Variants in CD1C observed in about 807,000 individuals in gnomAD.
The protein encoded by CD1C is T-cell surface glycoprotein CD1c.
A neutral mutation model predicts 39.4 loss-of-function variants in CD1C; 47 were observed. The observed-to-expected ratio is 1.19, with a 90% CI of 0.94 to 1.52. The LOEUF is 1.52. Ranked by LOEUF, CD1C falls within the 40% of genes most tolerant of loss-of-function variation. CD1C has a pLI of 0.00. For missense variants in CD1C, 417 were observed against 395.2 expected (o/e 1.06, Z -0.47); for synonymous variants, 165 against 150.8 (o/e 1.09, Z -0.69).
In CD1C at chr1:158,290,052, A is replaced by T; in HGVS notation, c.-13A>T. ...AACAGCTTTTCTGAGAGAAAGAAAC[A>T]TCTGCAAATGACATGCTGTTTCTGC... is the stretch of plus-strand genomic sequence containing the variant. On this transcript the variant is annotated 5_prime_UTR_variant, in exon 1 of 6. Coordinates refer to ENST00000368170, the MANE Select transcript of CD1C (RefSeq NM_001765.3). 1 of 1,613,582 alleles carries T rather than the reference A, an allele frequency of 6.2e-7. No individual in the cohort carries two copies. The highest frequency in any genetic ancestry group is 8.5e-7 in the Non-Finnish European group (1 of 1,179,540).
At chr1:158,290,253 T>C in intron 1 of CD1C, 128 bp downstream of exon 1, 1 of 776,872 alleles carries the variant, frequency 1.3e-6, no homozygotes, top group Non-Finnish European at 2.1e-6. Flanking sequence ...AGGTCCAGTT[T>C]ACTCTTTTGG....
At position 158,292,081 on chromosome 1, in the gene CD1C, C is replaced by T. The variant is rs1364248439; in HGVS notation, c.329-3C>T. The T allele has an allele frequency of 1.2e-6, 2 of 1,610,770 alleles. No homozygotes were observed. Among genetic ancestry groups the T allele is most frequent in the Non-Finnish European group, 1.7e-6 (2 of 1,178,902 alleles). ...TCTTTTTCTCATTCCTCCCTTCCTC[C>T]AGATCCCTTTGAAGTACAGGTGAAA... is the stretch of plus-strand genomic sequence containing the variant. On this transcript the variant is annotated splice_polypyrimidine_tract_variant and splice_region_variant and intron_variant, in intron 2 of 5. Coordinates refer to ENST00000368170, the MANE Select transcript of CD1C (RefSeq NM_001765.3).
intron 1 of CD1C, among the ~76,000 whole-genome samples, chr1:158,290,525 A>G (rs1463698492): frequency 6.6e-6 from 1 of 152,164 alleles, no homozygotes; most frequent in African/African-American, 2.4e-5. Flanking sequence ...GATGGAGCTT[A>G]GTGGGAGAGC....
rs752563128 is a variant in CD1C, at chr1:158,293,557, C to T, written c.*81C>T. 8 of 1,613,628 alleles carry T rather than the reference C, an allele frequency of 5.0e-6. No individual in the cohort carries two copies. The East Asian group carries it at 6.7e-5, about 13-fold the overall frequency. On this transcript the variant is annotated 3_prime_UTR_variant, in exon 6 of 6. Transcript: ENST00000368170. ...GTACAATATAGTGATGCCATCCCGT[C>T]GACTCTCCATTTAAATTGTTTCTCT...
At chr1:158,291,081 T>G (rs1028138673) in intron 1 of CD1C, 53 bp from the exon 2 acceptor site, 13 of 1,543,748 alleles carry the variant, frequency 8.4e-6, no homozygotes, top group Non-Finnish European at 1.1e-5. Flanking sequence ...CCATTTTCCT[T>G]GCCTCTCTTT....
rs1557801446 is a variant in CD1C at position 158,292,212 on chromosome 1, C to A, written c.457C>A (p.Pro153Thr). The change falls in exon 3 of 6, where the codon CCA (proline) becomes ACA (threonine). Residue 153 changes from proline (P) to threonine (T), a missense_variant. Coordinates refer to ENST00000368170, the MANE Select transcript of CD1C (RefSeq NM_001765.3). ...SFQNTTWVPSPGCGSLAQSVC... is the reference protein window; with the variant it reads ...SFQNTTWVPSTGCGSLAQSVC... ...CCAGAATACAACATGGGTGCCATCT[C>A]CAGGCTGTGGAAGTTTGGCCCAAAG... 1.4e-5 allele frequency: 23 copies of A among 1,614,154 alleles called. No homozygotes were observed. Among genetic ancestry groups the A allele is most frequent in the Non-Finnish European group, 1.8e-5 (21 of 1,180,028 alleles).
rs537019178 is a variant in CD1C, at chr1:158,289,989, G to A, written c.-76G>A. On this transcript the variant is annotated 5_prime_UTR_variant, in exon 1 of 6. Coordinates refer to ENST00000368170, the MANE Select transcript of CD1C (RefSeq NM_001765.3). ...TTGGTAGAAGGAAGTCAGAATATAG[G>A]TACAGAGGGATAAGTTTGCTAAGAA... The A allele has an allele frequency of 4.5e-6, 6 of 1,348,074 alleles. No homozygotes were observed. Among genetic ancestry groups the A allele is most frequent in the African/African-American group, 4.3e-5 (3 of 69,940 alleles). 83.5% of individuals were successfully genotyped at this position (1,348,074 alleles called of 1,614,324 possible).
rs1322669627 is a variant in CD1C at position 158,291,174 on chromosome 1, C to T, written c.102C>T (p.Phe34=). Residue 34 remains phenylalanine, a synonymous_variant, in exon 2 of 6, where the codon TTC becomes TTT. Transcript: ENST00000368170. The part of the protein sequence containing the change: ...EHVSFHVIQI[F]SFVNQSWARG... ...TCTCCTTCCATGTCATCCAGATCTTCTCATTTGTCAACCAATCCTGGGCAC... is the reference window on the plus strand; with the variant it reads ...TCTCCTTCCATGTCATCCAGATCTTTTCATTTGTCAACCAATCCTGGGCAC... 4.3e-6 allele frequency: 7 copies of T among 1,613,160 alleles called. No individual in the cohort carries two copies. Among genetic ancestry groups the T allele is most frequent in the East Asian group, 2.2e-5 (1 of 44,864 alleles).
chr1:158,290,420 T>C (rs1650993006), intron 1 of CD1C, among the ~76,000 whole-genome samples: 1 of 152,214 alleles, frequency 6.6e-6, no homozygotes, highest in South Asian at 2.1e-4. Context: ...CTCCTTTTTA[T>C]GTTACAAATG....
At chr1:158,290,864 T>C (rs1368683133) in intron 1 of CD1C, among the ~76,000 whole-genome samples, 1 of 152,148 alleles carries the variant, frequency 6.6e-6, no homozygotes, top group African/African-American at 2.4e-5. Flanking sequence ...CAAGGTTACA[T>C]GTATCTGGGT....
At position 158,293,296 on chromosome 1, in the gene CD1C, A is replaced by G; in HGVS notation, c.974A>G (p.Lys325Arg). ...ILIVLVLWFK[K>R]HCSYQDIL ...ATAGTCCTTGTGTTATGGTTTAAGA[A>G]GCACTGGTGAGTTTTTTGTATTTCC... Residue 325 changes from lysine to arginine, a missense_variant, in exon 5 of 6, where the codon AAG (lysine) becomes AGG (arginine). By Grantham distance (26) the Lys-to-Arg change is conservative. Coordinates refer to ENST00000368170, the MANE Select transcript of CD1C (RefSeq NM_001765.3). 1 of 1,613,332 alleles carries G rather than the reference A, an allele frequency of 6.2e-7. No homozygotes were observed. Among genetic ancestry groups the G allele is most frequent in the Non-Finnish European group, 8.5e-7 (1 of 1,179,454 alleles).
rs3176970 is a variant in CD1C at position 158,292,787 on chromosome 1, C to T, written c.802C>T (p.Leu268=). The part of the protein sequence containing the change: ...ADGTWYLQVI[L]EVASEEPAGL... ...TGGGACATGGTATCTTCAGGTGATC[C>T]TGGAGGTGGCATCTGAGGAGCCTGC... is the stretch of plus-strand genomic sequence containing the variant. The change falls in exon 4 of 6, where the codon CTG becomes TTG. Residue 268 remains leucine, a synonymous_variant. Coordinates refer to ENST00000368170, the MANE Select transcript of CD1C (RefSeq NM_001765.3). 3 of 1,614,158 alleles carry T rather than the reference C, an allele frequency of 1.9e-6. No individual in the cohort carries two copies. Among genetic ancestry groups the T allele is most frequent in the South Asian group, 2.2e-5 (2 of 91,084 alleles).
Position 158,290,069 on chromosome 1 carries a change from T to TGTTTCTGCA in CD1C, c.14_22dup (p.Gln5_Leu7dup). On this transcript the variant is annotated inframe_insertion, in exon 1 of 6. Transcript: ENST00000368170. ...AAAGAAACATCTGCAAATGACATGC[T>TGTTTCTGCA]GTTTCTGCAGTTTCTGCTGCTAGCT... 6.2e-7 allele frequency: 1 copy of TGTTTCTGCA among 1,613,922 alleles called. No homozygotes were observed. Among genetic ancestry groups the TGTTTCTGCA allele is most frequent in the Middle Eastern group, 1.7e-4 (1 of 6,058 alleles).
Position 158,292,630 on chromosome 1 carries a change from C to G in CD1C, c.645C>G (p.Ser215Arg). ...AAGCCTGGCTGTCCAGTCGCCCCAG[C>G]CTTGGGTCTGGCCAGCTGTTGCTGG... Reference protein sequence around the residue: ...RPEAWLSSRPSLGSGQLLLVC... With the variant: ...RPEAWLSSRPRLGSGQLLLVC... Residue 215 changes from serine (S) to arginine (R), a missense_variant, in exon 4 of 6, where the codon AGC (serine) becomes AGG (arginine). Physicochemically the swap from Ser to Arg is moderately radical, Grantham distance 110 (BLOSUM62 -1). Transcript: ENST00000368170. 4 of 1,613,212 alleles carry G rather than the reference C, an allele frequency of 2.5e-6. No individual in the cohort carries two copies. The highest frequency in any genetic ancestry group is 3.4e-6 in the Non-Finnish European group (4 of 1,180,034).
Position 158,292,763 on chromosome 1 carries a change from G to A in CD1C, c.778G>A (p.Gly260Arg). ...KHGDILPNAD[G>R]TWYLQVILEV... ...TGGTGATATTCTTCCTAATGCTGAT[G>A]GGACATGGTATCTTCAGGTGATCCT... Residue 260 changes from glycine to arginine, a missense_variant, in exon 4 of 6, where the codon GGG (glycine) becomes AGG (arginine). Coordinates refer to ENST00000368170, the MANE Select transcript of CD1C (RefSeq NM_001765.3). 1.9e-6 allele frequency: 3 copies of A among 1,614,212 alleles called. No homozygotes were observed. Among genetic ancestry groups the A allele is most frequent in the South Asian group, 1.1e-5 (1 of 91,080 alleles).
chr1:158,290,221 C>T (rs930806089), intron 1 of CD1C, 96 bp downstream of exon 1: 31 of 1,111,566 alleles, frequency 2.8e-5, no homozygotes, highest in Non-Finnish European at 3.9e-5. Flanking sequence ...AGAATGCTTG[C>T]CATCTGAGCA....
chr1:158,291,779 A>G (rs1032406782), intron 2 of CD1C, among the ~76,000 whole-genome samples: 1 of 151,960 alleles, frequency 6.6e-6, no homozygotes, highest in African/African-American at 2.4e-5. Flanking sequence ...ATGGAATGCT[A>G]TCCTCCTACC....
Position 158,293,597 on chromosome 1 carries a change from C to T in CD1C, c.*121C>T, listed in dbSNP as rs1305445695. On this transcript the variant is annotated 3_prime_UTR_variant, in exon 6 of 6. Coordinates refer to ENST00000368170, the MANE Select transcript of CD1C (RefSeq NM_001765.3). Reference sequence around the variant, plus strand: ...ATTGTTTCTCTTTCTGCATAATAAACATTTGTTAATAAAAACCAAATTCTA... The same window carrying T: ...ATTGTTTCTCTTTCTGCATAATAAATATTTGTTAATAAAAACCAAATTCTA... The T allele has an allele frequency of 6.2e-7, 1 of 1,610,130 alleles. No homozygotes were observed.
Position 158,292,738 on chromosome 1 carries a change from T to G in CD1C, c.753T>G (p.His251Gln). 6.2e-7 allele frequency: 1 copy of G among 1,614,110 alleles called. No individual in the cohort carries two copies. Among genetic ancestry groups the G allele is most frequent in the Non-Finnish European group, 8.5e-7 (1 of 1,180,016 alleles). Residue 251 changes from histidine (H) to glutamine (Q), a missense_variant, in exon 4 of 6, where the codon CAT becomes CAG. Physicochemically the swap from His to Gln is conservative, Grantham distance 24. Transcript: ENST00000368170. ...RNEQEQLGTK[H>Q]GDILPNADGT... is the part of the protein sequence containing the mutation. The stretch of plus-strand genomic sequence containing the variant: ...AACAGGAGCAACTGGGCACTAAACA[T>G]GGTGATATTCTTCCTAATGCTGATG...
Sources: allele counts gnomAD v4.1 joint callset (sites outside exome capture counted in the v4.1 genomes callset), GRCh38; gene constraint gnomAD v4.1.1; transcripts MANE v1.5; gene names NCBI Gene and HGNC (gene_info 2026-07-23, HGNC 2026-07-21).